The following DECR1 variants were observed in gnomAD, a reference collection of about 807,000 sequenced individuals.
DECR1 encodes 2,4-dienoyl-CoA reductase 1.
DECR1 carries 44 observed loss-of-function variants against 38.8 expected under a neutral mutation model. The observed-to-expected ratio is 1.13, with a 90% confidence interval of 0.89 to 1.46. The LOEUF (loss-of-function observed/expected upper bound fraction) is 1.46, where lower values mean the gene tolerates loss of function less well. Ranked by LOEUF, DECR1 falls within the 40% of genes most tolerant of loss-of-function variation. The probability of loss-of-function intolerance (pLI) is 0.00; values close to 1 mark genes in which losing one functional copy is unlikely to be tolerated. For missense variants in DECR1, 428 were observed against 405.5 expected, an observed-to-expected ratio of 1.06 and a Z score of -0.48; for synonymous variants, 148 against 135.2, an observed-to-expected ratio of 1.09 and a Z score of -0.66.
At chr8:90,036,376 G>C (rs1014036582) in intron 5 of DECR1, among the ~76,000 whole-genome samples, 3 of 152,088 alleles carry the variant, frequency 2.0e-5, no homozygotes, top group Non-Finnish European at 4.4e-5. Flanking sequence ...CCTGCCTGCT[G>C]TGCAGTATCT....
chr8:90,044,093 G>A (rs1371413506), intron 7 of DECR1, among the ~76,000 whole-genome samples: 1 of 152,148 alleles, frequency 6.6e-6, no homozygotes, highest in African/African-American at 2.4e-5. Context: ...AAACTGAAGT[G>A]TAGAAACTCC....
chr8:90,019,535 G>A (rs1014679417), intron 4 of DECR1, among the ~76,000 whole-genome samples: 3 of 152,228 alleles, frequency 2.0e-5, no homozygotes, highest in African/African-American at 7.2e-5. Flanking sequence ...TTCTAGAAAA[G>A]GGTTGGTAAC....
At position 90,006,757 on chromosome 8, in the gene DECR1, A is replaced by G. The variant is rs117714153; in HGVS notation, c.69+5196A>G. Among the ~76,000 whole-genome samples the G allele has an allele frequency of 2.9e-4, 44 of 152,334 alleles. No homozygotes were observed. The East Asian group carries it at 4.4e-3, about 15-fold the overall frequency. ...GATATCATCAGGTAAGACTGGAAGT[A>G]GGGAGACCAAACATCCAAACACCAG... is the stretch of plus-strand genomic sequence containing the variant. On this transcript the variant is annotated intron_variant, in intron 1 of 9. Transcript: ENST00000220764.
At chr8:90,015,657 G>C (rs1404215425) in intron 1 of DECR1, 1 of 456,366 alleles carries the variant, frequency 2.2e-6, no homozygotes, top group South Asian at 1.5e-5. Context: ...GAATACTCTG[G>C]AAGGAAATGG....
chr8:90,026,421 G>T (rs1210842679), intron 5 of DECR1, among the ~76,000 whole-genome samples: 1 of 152,136 alleles, frequency 6.6e-6, no homozygotes, highest in Non-Finnish European at 1.5e-5. Flanking sequence ...GGTATATTCA[G>T]GGATTCAACT....
At chr8:90,005,287 G>C in intron 1 of DECR1, 1 of 454,480 alleles carries the variant, frequency 2.2e-6, no homozygotes, top group Admixed American at 2.4e-5. Context: ...TTTACTATTT[G>C]CTAGGCACCT....
At chr8:90,048,712 A>G (rs540617483) in intron 8 of DECR1, among the ~76,000 whole-genome samples, 1 of 152,296 alleles carries the variant, frequency 6.6e-6, no homozygotes, top group Admixed American at 6.5e-5. Flanking sequence ...CTGATACGAA[A>G]GCCTGGCAGA....
Position 90,051,972 on chromosome 8 carries a change from T to A in DECR1, c.*75T>A. On this transcript the variant is annotated 3_prime_UTR_variant, in exon 10 of 10. Transcript: ENST00000220764. Reference sequence around the variant, plus strand: ...CAAATTATCTCTCATCTTTTGACTATTTCAAGTCTAATAAATTCTTAATTA... The same window carrying A: ...CAAATTATCTCTCATCTTTTGACTAATTCAAGTCTAATAAATTCTTAATTA... 1 of 1,303,592 alleles carries A rather than the reference T, an allele frequency of 7.7e-7. No homozygotes were observed. Among genetic ancestry groups the A allele is most frequent in the Admixed American group, 1.8e-5 (1 of 54,874 alleles). 80.8% of individuals were successfully genotyped at this position (1,303,592 alleles called of 1,614,324 possible). A position where few individuals can be genotyped will look rare whatever the true frequency, so the allele number is the denominator to read the frequency against.
At chr8:90,021,170 A>G in intron 5 of DECR1, 114 bp downstream of exon 5, 1 of 657,154 alleles carries the variant, frequency 1.5e-6, no homozygotes, top group Non-Finnish European at 2.3e-6. Flanking sequence ...TACAACTCAC[A>G]GTGTAATGGA....
At chr8:90,042,952 C>A in intron 7 of DECR1, 152 bp downstream of exon 7, 3 of 640,310 alleles carry the variant, frequency 4.7e-6, no homozygotes, top group East Asian at 2.7e-5. Context: ...TATTCATTAT[C>A]GAATATAAGA....
chr8:90,002,023 A>C (rs887570028), intron 1 of DECR1, among the ~76,000 whole-genome samples: 2 of 152,068 alleles, frequency 1.3e-5, no homozygotes, highest in Non-Finnish European at 2.9e-5. Context: ...GGGAGTGAGC[A>C]CCGGGGCCCG....
At chr8:90,018,528 T>A (rs1343742413) in intron 2 of DECR1, 1 of 154,420 alleles carries the variant, frequency 6.5e-6, no homozygotes, top group African/African-American at 2.5e-5. Flanking sequence ...TAATTTCTAT[T>A]CATAGTTTTT....
intron 1 of DECR1, chr8:90,005,206 A>G (rs1032534654): frequency 2.5e-6 from 1 of 394,772 alleles, no homozygotes; most frequent in South Asian, 1.9e-5. Context: ...AAGCGTGTGG[A>G]GACGAGATCA....
At chr8:90,040,784 C>T (rs527618579) in intron 6 of DECR1, among the ~76,000 whole-genome samples, 3 of 152,264 alleles carry the variant, frequency 2.0e-5, no homozygotes, top group African/African-American at 7.2e-5. Flanking sequence ...TCATCCACAT[C>T]CCTGCAAAGT....
intron 8 of DECR1, among the ~76,000 whole-genome samples, chr8:90,046,773 G>A (rs58089858): frequency 0.068 from 10,402 of 152,166 alleles, 603 homozygotes; most frequent in African/African-American, 0.15. Flanking sequence ...AAAATGCTAA[G>A]GGCAGACAGA....
At chr8:90,015,550 A>G (rs909634908) in intron 1 of DECR1, 3 of 413,996 alleles carry the variant, frequency 7.2e-6, no homozygotes, top group Admixed American at 2.5e-5. Context: ...GGTGATGAAC[A>G]GCCTCCTTCT....
chr8:90,052,428 A>G lies in DECR1; in HGVS notation c.*531A>G, dbSNP rs945735364. 2.6e-5 allele frequency among the ~76,000 whole-genome samples: 4 copies of G among 152,158 alleles called. No individual in the cohort carries two copies. Among genetic ancestry groups the G allele is most frequent in the African/African-American group, 9.7e-5 (4 of 41,430 alleles). Reference sequence around the variant, plus strand: ...TACTAGGACCTATTTGTAGCCAGGCATTTTATTTAGTACTGAATAAGCTAT... The same window carrying G: ...TACTAGGACCTATTTGTAGCCAGGCGTTTTATTTAGTACTGAATAAGCTAT... On this transcript the variant is annotated 3_prime_UTR_variant, in exon 10 of 10. Transcript: ENST00000220764.
chr8:90,045,518 C>T (rs995622757), intron 8 of DECR1, among the ~76,000 whole-genome samples: 1 of 152,166 alleles, frequency 6.6e-6, no homozygotes, highest in Non-Finnish European at 1.5e-5. Context: ...AGTAGGTAAA[C>T]AAAGTAGCCT....
intron 8 of DECR1, among the ~76,000 whole-genome samples, chr8:90,047,095 C>T (rs1012029300): frequency 6.6e-6 from 1 of 152,128 alleles, no homozygotes; most frequent in Non-Finnish European, 1.5e-5. Context: ...ATTGTAGAGA[C>T]CATCAATGCT....
Sources: allele counts gnomAD v4.1 joint callset (sites outside exome capture counted in the v4.1 genomes callset), GRCh38; gene constraint gnomAD v4.1.1; transcripts MANE v1.5; gene names NCBI Gene and HGNC (gene_info 2026-07-23, HGNC 2026-07-21).